The following GRID1 variants were observed in gnomAD, a reference collection of about 807,000 sequenced individuals.
GRID1 encodes glutamate ionotropic receptor delta type subunit 1.
In GRID1, 28 loss-of-function variants were observed where a neutral mutation model predicts 98.0. The observed-to-expected ratio is 0.29, with a 90% confidence interval of 0.21 to 0.39. The LOEUF (loss-of-function observed/expected upper bound fraction) is 0.39, where lower values mean the gene tolerates loss of function less well. GRID1 is among the 10% of genes least tolerant of loss of function. GRID1 has a pLI of 1.00. For synonymous variants in GRID1, 553 were observed against 538.5 expected (o/e 1.03, Z -0.37); for missense variants, 1,111 against 1,340.5 (o/e 0.83, Z 2.67).
chr10:86,037,798 GC>G (rs1463147994), intron 4 of GRID1, among the ~76,000 whole-genome samples: 1 of 152,094 alleles, frequency 6.6e-6, no homozygotes, highest in African/African-American at 2.4e-5. Flanking sequence ...TCTCGGGTGG[GC>G]GTGGGAAGCC....
At chr10:86,023,145 C>A (rs911391128) in intron 4 of GRID1, among the ~76,000 whole-genome samples, 2 of 152,016 alleles carry the variant, frequency 1.3e-5, no homozygotes, top group African/African-American at 4.8e-5. Context: ...TCAGGGGTTC[C>A]CAGCTTGGAG....
intron 5 of GRID1, among the ~76,000 whole-genome samples, chr10:85,883,553 T>G (rs1211868984): frequency 6.6e-6 from 1 of 151,060 alleles, no homozygotes; most frequent in Non-Finnish European, 1.5e-5. Flanking sequence ...TCTCTCCTCT[T>G]CCCTCCCTCT....
chr10:85,722,595 C>T (rs960347946), intron 12 of GRID1, among the ~76,000 whole-genome samples: 2 of 151,762 alleles, frequency 1.3e-5, no homozygotes, highest in African/African-American at 2.4e-5. Flanking sequence ...TGGCAATTGG[C>T]ATTTTTGAAA....
intron 4 of GRID1, among the ~76,000 whole-genome samples, chr10:85,945,981 A>C (rs751929341): frequency 7.9e-4 from 121 of 152,356 alleles, no homozygotes; most frequent in Admixed American, 2.1e-3. Flanking sequence ...GAATTGTTAA[A>C]ACATTGAAGG....
chr10:85,662,350 G>C (rs1427120029), intron 12 of GRID1, among the ~76,000 whole-genome samples: 1 of 152,188 alleles, frequency 6.6e-6, no homozygotes, highest in African/African-American at 2.4e-5. Flanking sequence ...AAAAGCAAAA[G>C]GACCAGAGGG....
At chr10:85,630,330 C>G (rs1445566711) in intron 13 of GRID1, among the ~76,000 whole-genome samples, 1 of 152,190 alleles carries the variant, frequency 6.6e-6, no homozygotes, top group Non-Finnish European at 1.5e-5. Flanking sequence ...ATGCCCACCT[C>G]ACACACTTGT....
chr10:86,112,159 G>C (rs1352819147), intron 4 of GRID1, among the ~76,000 whole-genome samples: 1 of 152,162 alleles, frequency 6.6e-6, no homozygotes, highest in Non-Finnish European at 1.5e-5. Flanking sequence ...TATGACTAGG[G>C]ACAGGGGACA....
chr10:85,758,438 G>T (rs1310220323), intron 8 of GRID1, among the ~76,000 whole-genome samples: 2 of 152,150 alleles, frequency 1.3e-5, no homozygotes, highest in African/African-American at 4.8e-5. Flanking sequence ...TGGTTTAGGA[G>T]CTCATCAGAG....
At chr10:86,332,991 C>A (rs4459203) in intron 2 of GRID1, among the ~76,000 whole-genome samples, 145,213 of 152,220 alleles carry the variant, frequency 0.95, 69,373 homozygotes, top group East Asian at 1. Flanking sequence ...AACACAAACC[C>A]ATCACATCAC....
intron 8 of GRID1, among the ~76,000 whole-genome samples, chr10:85,817,848 G>A (rs142730083): frequency 0.017 from 2,589 of 152,094 alleles, 74 homozygotes; most frequent in Admixed American, 0.068. Flanking sequence ...CCGAGATCTT[G>A]CCACTGCCCT....
intron 12 of GRID1, among the ~76,000 whole-genome samples, chr10:85,710,806 T>C (rs1590200068): frequency 6.6e-6 from 1 of 151,952 alleles, no homozygotes; most frequent in South Asian, 2.1e-4. Flanking sequence ...ACAAAGAACT[T>C]GAATAACATT....
intron 3 of GRID1, among the ~76,000 whole-genome samples, chr10:86,153,652 A>G (rs1004948576): frequency 6.6e-6 from 1 of 152,008 alleles, no homozygotes; most frequent in Non-Finnish European, 1.5e-5. Context: ...ATGGCTGGAT[A>G]CCCCAGCCCA....
intron 4 of GRID1, among the ~76,000 whole-genome samples, chr10:86,101,191 G>A (rs540861386): frequency 6.6e-6 from 1 of 152,310 alleles, no homozygotes; most frequent in African/African-American, 2.4e-5. Context: ...GGAGCAGCAG[G>A]AGGTGACATC....
intron 8 of GRID1, among the ~76,000 whole-genome samples, chr10:85,749,524 C>T (rs893928924): frequency 6.6e-6 from 1 of 152,174 alleles, no homozygotes; most frequent in Non-Finnish European, 1.5e-5. Flanking sequence ...CACAGAGTGA[C>T]ATTCCAGAAA....
chr10:86,153,846 C>A (rs1845204785), intron 3 of GRID1, among the ~76,000 whole-genome samples: 1 of 152,092 alleles, frequency 6.6e-6, no homozygotes, highest in African/African-American at 2.4e-5. Flanking sequence ...TTACCTCCTG[C>A]CAGAACCTCT....
At position 85,613,332 on chromosome 10, in the gene GRID1, C is replaced by T. The variant is rs533888947; in HGVS notation, c.2601+75G>A. On this transcript the variant is annotated intron_variant, in intron 15 of 15. Transcript: ENST00000327946. ...CAGGTAAATACTAACTAGAAACAAC[C>T]TGCCCTCCCAATGGCCCAGTGTGAC... 205 of 1,452,710 alleles carry T rather than the reference C, an allele frequency of 1.4e-4. No individual in the cohort carries two copies. In the African/African-American group the frequency reaches 2.7e-3, roughly 19 times the overall value. The allele number at this position is 1,452,710 out of a possible 1,614,324, so 90.0% of individuals were successfully genotyped here. A position where few individuals can be genotyped will look rare whatever the true frequency, so the allele number is the denominator to read the frequency against.
intron 3 of GRID1, among the ~76,000 whole-genome samples, chr10:86,198,782 T>C (rs908479611): frequency 3.9e-5 from 6 of 152,108 alleles, no homozygotes; most frequent in African/African-American, 9.6e-5. Context: ...CCAAATCTCT[T>C]GCACCAAGAT....
chr10:86,172,912 C>T (rs925530499), intron 3 of GRID1, among the ~76,000 whole-genome samples: 1 of 152,052 alleles, frequency 6.6e-6, no homozygotes, highest in African/African-American at 2.4e-5. Flanking sequence ...TATGTCTTAC[C>T]CAACTTCAGT....
At chr10:86,289,109 T>C (rs1847475619) in intron 2 of GRID1, among the ~76,000 whole-genome samples, 1 of 152,200 alleles carries the variant, frequency 6.6e-6, no homozygotes, top group South Asian at 2.1e-4. Context: ...AGAAGATCCC[T>C]GTCACTCAAG....
Sources: gnomAD v4.1 joint callset for allele counts (sites outside exome capture counted in the v4.1 genomes callset) on GRCh38, gnomAD v4.1.1 for gene constraint, MANE v1.5 for transcripts, NCBI Gene and HGNC (gene_info 2026-07-23, HGNC 2026-07-21) for gene names.